The following LDHC variants were observed in gnomAD, a reference collection of about 807,000 sequenced individuals.
The protein encoded by LDHC is lactate dehydrogenase C.
A neutral mutation model predicts 30.2 loss-of-function variants in LDHC; 20 were observed. The ratio of observed to expected loss-of-function variants is 0.66; its 90% CI spans 0.47 to 0.96. LDHC has a LOEUF of 0.96. Among genes scored for constraint, LDHC ranks in the 40% least tolerant of loss-of-function variants. The pLI, the probability that LDHC is intolerant of heterozygous loss-of-function variation, is 0.00. For missense variants in LDHC, 362 were observed against 394.9 expected (o/e 0.92, Z 0.71); for synonymous variants, 139 against 132.7 (o/e 1.05, Z -0.32).
rs36038254 is a variant in LDHC at position 18,429,116 on chromosome 11, CTTTTT to C, written c.245-602_245-598del. Among the ~76,000 whole-genome samples the C allele has an allele frequency of 5.2e-3, 492 of 93,906 alleles. 3 individuals are homozygous for C. Among genetic ancestry groups the C allele is most frequent in the African/African-American group, 0.019 (470 of 24,122 alleles). 61.6% of individuals were successfully genotyped at this position (93,906 alleles called of 152,430 possible). A position where few individuals can be genotyped will look rare whatever the true frequency, so the allele number is the denominator to read the frequency against. ...GAGTTCTAAGTCTATTCATTTTGGT[CTTTTT>C]TTTTTTTTTTTTTTTTTTGAGACAG... On this transcript the variant is annotated intron_variant, in intron 3 of 7. Coordinates refer to ENST00000541669, the MANE Select transcript of LDHC (RefSeq NM_017448.5).
intron 6 of LDHC, among the ~76,000 whole-genome samples, chr11:18,441,220 T>C (rs1432063161): frequency 6.6e-6 from 1 of 152,116 alleles, no homozygotes; most frequent in African/African-American, 2.4e-5. Flanking sequence ...CAGGACATAA[T>C]AGGTTTTCAC....
chr11:18,426,853 T>C (rs908297469), intron 3 of LDHC, among the ~76,000 whole-genome samples: 3 of 152,198 alleles, frequency 2.0e-5, no homozygotes, highest in Non-Finnish European at 4.4e-5. Context: ...CTGTTGTTTA[T>C]TTTTCTTTCA....
At chr11:18,426,852 A>G (rs1206410118) in intron 3 of LDHC, among the ~76,000 whole-genome samples, 1 of 152,022 alleles carries the variant, frequency 6.6e-6, no homozygotes, top group Non-Finnish European at 1.5e-5. Context: ...CCTGTTGTTT[A>G]TTTTTCTTTC....
At chr11:18,414,543 C>T (rs1403890417) in intron 2 of LDHC, among the ~76,000 whole-genome samples, 1 of 152,038 alleles carries the variant, frequency 6.6e-6, no homozygotes, top group African/African-American at 2.4e-5. Context: ...ATAATAAAAT[C>T]CTGGCCGGGC....
At chr11:18,450,884 T>C in intron 7 of LDHC, 79 bp from the exon 8 acceptor site, 1 of 1,045,788 alleles carries the variant, frequency 9.6e-7, no homozygotes, top group East Asian at 2.5e-5. Context: ...CTCTCCTGTA[T>C]ACTCTCATTT....
At chr11:18,443,201 C>G (rs1225527444) in intron 6 of LDHC, among the ~76,000 whole-genome samples, 1 of 152,132 alleles carries the variant, frequency 6.6e-6, no homozygotes, top group African/African-American at 2.4e-5. Flanking sequence ...TCCTTCTCAA[C>G]AAAACTGTCC....
chr11:18,434,130 AGT>A (rs1848316059), intron 4 of LDHC, among the ~76,000 whole-genome samples: 1 of 152,010 alleles, frequency 6.6e-6, no homozygotes, highest in African/African-American at 2.4e-5. Flanking sequence ...CATATCTAAA[AGT>A]GTGTCCAAAA....
chr11:18,448,430 C>A (rs541969168), intron 7 of LDHC, among the ~76,000 whole-genome samples: 1 of 152,092 alleles, frequency 6.6e-6, no homozygotes, highest in East Asian at 1.9e-4. Flanking sequence ...ATTACAGGCA[C>A]GTGCCACCAC....
rs536602174 is a variant in LDHC at position 18,428,293 on chromosome 11, T to G, written c.245-1444T>G. On this transcript the variant is annotated intron_variant, in intron 3 of 7. Transcript: ENST00000541669. ...TTCAAGCCATTCTCCTGCCTCAGCC[T>G]CCTGAGTAGCTGGGATTAAGATGCA... Among the ~76,000 whole-genome samples, 16 of 142,512 alleles carry G rather than the reference T, an allele frequency of 1.1e-4. No homozygotes were observed. The South Asian group carries it at 3.2e-3, about 29-fold the overall frequency. 93.5% of individuals were successfully genotyped at this position (142,512 alleles called of 152,430 possible). A position where few individuals can be genotyped will look rare whatever the true frequency, so the allele number is the denominator to read the frequency against.
chr11:18,447,436 A>G, intron 7 of LDHC, among the ~76,000 whole-genome samples: 1 of 152,038 alleles, frequency 6.6e-6, no homozygotes, highest in East Asian at 1.9e-4. Context: ...CGGCCTGTCG[A>G]TTTCTCTATT....
At chr11:18,421,705 C>T (rs898062591) in intron 3 of LDHC, among the ~76,000 whole-genome samples, 1 of 151,958 alleles carries the variant, frequency 6.6e-6, no homozygotes, top group Admixed American at 6.6e-5. Context: ...GATGGGATCT[C>T]GCTATGTTGC....
intron 7 of LDHC, chr11:18,449,967 G>A (rs540966346): frequency 3.6e-4 from 55 of 151,904 alleles, no homozygotes; most frequent in African/African-American, 1.2e-3. Context: ...CACAACCCCA[G>A]ACTCAGCCCC....
intron 6 of LDHC, among the ~76,000 whole-genome samples, chr11:18,444,492 G>A (rs894502064): frequency 2.6e-5 from 4 of 151,074 alleles, no homozygotes; most frequent in Non-Finnish European, 5.9e-5. Context: ...AAGTACTTTT[G>A]TCATCAAAAG....
intron 5 of LDHC, among the ~76,000 whole-genome samples, 180 bp from the exon 6 acceptor site, chr11:18,438,348 C>T (rs962111263): frequency 2.0e-5 from 3 of 152,156 alleles, no homozygotes; most frequent in African/African-American, 7.2e-5. Flanking sequence ...GAGGGATCTG[C>T]ACCCATGATC....
At chr11:18,447,505 A>T (rs1360838944) in intron 7 of LDHC, among the ~76,000 whole-genome samples, 1 of 152,178 alleles carries the variant, frequency 6.6e-6, no homozygotes, top group Non-Finnish European at 1.5e-5. Context: ...AGAAGGTTTC[A>T]TAAGTGAAAA....
intron 6 of LDHC, among the ~76,000 whole-genome samples, chr11:18,444,820 T>C (rs938747573): frequency 4.0e-5 from 6 of 151,678 alleles, no homozygotes; most frequent in Non-Finnish European, 8.8e-5. Context: ...CTTTGTCCAG[T>C]GAAGTTGACT....
At chr11:18,441,977 G>A (rs1848474333) in intron 6 of LDHC, among the ~76,000 whole-genome samples, 1 of 152,088 alleles carries the variant, frequency 6.6e-6, no homozygotes, top group African/African-American at 2.4e-5. Flanking sequence ...ACTGCTTGGG[G>A]CACACTCAGT....
At position 18,415,285 on chromosome 11, in the gene LDHC, G is replaced by T; in HGVS notation, c.228G>T (p.Lys76Asn). 1 of 1,545,770 alleles carries T rather than the reference G, an allele frequency of 6.5e-7. No individual in the cohort carries two copies. Among genetic ancestry groups the T allele is most frequent in the Non-Finnish European group, 8.9e-7 (1 of 1,122,554 alleles). Residue 76 changes from lysine to asparagine, a missense_variant, in exon 3 of 8, where the codon AAG becomes AAT. Lys to Asn is a moderately conservative substitution (Grantham distance 94). Transcript: ENST00000541669. ...QHGSLFFSTS[K>N]ITSGKDYSVS... The stretch of plus-strand genomic sequence containing the variant: ...GCAGTCTTTTCTTTAGTACTTCAAA[G>T]ATTACTTCTGGAAAAGGTTAATTTT...
At chr11:18,430,574 C>G (rs760204698) in intron 4 of LDHC, among the ~76,000 whole-genome samples, 1 of 152,280 alleles carries the variant, frequency 6.6e-6, no homozygotes, top group Admixed American at 6.5e-5. Flanking sequence ...TTTGTCCAGT[C>G]TGGTCCGGAA....
Sources: gnomAD v4.1 joint callset for allele counts (sites outside exome capture counted in the v4.1 genomes callset) on GRCh38, gnomAD v4.1.1 for gene constraint, MANE v1.5 for transcripts, NCBI Gene and HGNC (gene_info 2026-07-23, HGNC 2026-07-21) for gene names.